The following CELSR3 variants were observed in gnomAD, a reference collection of about 807,000 sequenced individuals.
The protein encoded by CELSR3 is cadherin EGF LAG seven-pass G-type receptor 3.
In CELSR3, 73 loss-of-function variants were observed where a neutral mutation model predicts 270.0. The observed-to-expected ratio is 0.27, with a 90% CI of 0.22 to 0.33. The LOEUF (loss-of-function observed/expected upper bound fraction) is 0.33, where lower values mean the gene tolerates loss of function less well. Ranked by LOEUF, CELSR3 falls within the 10% of genes least tolerant of loss-of-function variation. CELSR3 has a pLI of 1.00. For synonymous variants in CELSR3, 1,780 were observed against 1,905.4 expected (o/e 0.93, Z 1.71); for missense variants, 3,614 against 4,533.8 (o/e 0.80, Z 5.83).
chr3:48,660,787 A>C lies in CELSR3; in HGVS notation c.1848T>G (p.Tyr616Ter). 1 of 1,614,144 alleles carries C rather than the reference A, an allele frequency of 6.2e-7. No homozygotes were observed. Among genetic ancestry groups the C allele is most frequent in the Non-Finnish European group, 8.5e-7 (1 of 1,180,028 alleles). Residue 616 changes from tyrosine to a stop codon, truncating the protein, a stop_gained, in exon 1 of 35, where the codon TAT becomes TAG. Coordinates refer to ENST00000164024, the MANE Select transcript of CELSR3 (RefSeq NM_001407.3). LOFTEE classifies it high-confidence loss of function. This position sits in a 1 kb window ranked among gnomAD's most constrained non-coding sequence, Gnocchi z 5.5. The stretch of plus-strand genomic sequence containing the variant: ...CATCCTGCGCCCTGATGCGCAAGGC[A>C]TACTCTCTCTCTGCCTCGAAGTCCA... ...APLDFEAEREYALRIRAQDAG... is the reference protein window; with the variant it reads ...APLDFEAERE
At chr3:48,648,549 T>G in intron 18 of CELSR3, 88 bp from the exon 19 acceptor site, 1 of 1,410,356 alleles carries the variant, frequency 7.1e-7, no homozygotes, top group East Asian at 2.5e-5. Context: ...GGACAGGTGC[T>G]CAGAGGGGCT....
chr3:48,642,619 G>C lies in CELSR3; in HGVS notation c.8555+117C>G. On this transcript the variant is annotated intron_variant, in intron 30 of 34. Coordinates refer to ENST00000164024, the MANE Select transcript of CELSR3 (RefSeq NM_001407.3). The surrounding 1 kb of genome is among the most constrained non-coding windows in gnomAD (Gnocchi z 6.1). ...CATTTAGGGCAGAGGCAGAAGCAGGGCCCCAGATGGCCAAGATGGGTGGAG... is the reference window on the plus strand; with the variant it reads ...CATTTAGGGCAGAGGCAGAAGCAGGCCCCCAGATGGCCAAGATGGGTGGAG... The C allele has an allele frequency of 1.4e-6, 2 of 1,467,728 alleles. No homozygotes were observed. Among genetic ancestry groups the C allele is most frequent in the Non-Finnish European group, 1.8e-6 (2 of 1,091,324 alleles). The allele number at this position is 1,467,728 out of a possible 1,614,324, so 90.9% of individuals were successfully genotyped here.
In CELSR3 at chr3:48,644,033, A is replaced by G; in HGVS notation, c.8165+183T>C. 4 of 606,358 alleles carry G rather than the reference A, an allele frequency of 6.6e-6. No homozygotes were observed. The South Asian group carries it at 8.4e-5, about 13-fold the overall frequency. The allele number at this position is 606,358 out of a possible 1,614,324, so 37.6% of individuals were successfully genotyped here. A position where few individuals can be genotyped will look rare whatever the true frequency, so the allele number is the denominator to read the frequency against. ...AGGAGAGACAGCAGGGCAGAAGCAC[A>G]TGTGGGGCTACAGTATAGCGAGGGC... On this transcript the variant is annotated intron_variant, in intron 27 of 34. Coordinates refer to ENST00000164024, the MANE Select transcript of CELSR3 (RefSeq NM_001407.3). The surrounding 1 kb of genome is among the most constrained non-coding windows in gnomAD (Gnocchi z 4.8).
rs2047062333 is a variant in CELSR3 at position 48,644,607 on chromosome 3, C to T, written c.8085+109G>A. On this transcript the variant is annotated intron_variant, in intron 26 of 34. Transcript: ENST00000164024. The surrounding 1 kb of genome is among the most constrained non-coding windows in gnomAD (Gnocchi z 4.8). ...AGGACAGAAAAAATGAAGGCCGAGC[C>T]CAGGAAGCCTGCAGAATGCCACCTG... is the stretch of plus-strand genomic sequence containing the variant. 2 of 852,652 alleles carry T rather than the reference C, an allele frequency of 2.3e-6. No homozygotes were observed. The highest frequency in any genetic ancestry group is 5.3e-5 in the East Asian group (2 of 37,540). The allele number at this position is 852,652 out of a possible 1,614,324, so 52.8% of individuals were successfully genotyped here.
rs1264524735 is a variant in CELSR3 at position 48,645,765 on chromosome 3, G to T, written c.7567C>A (p.Leu2523Ile). ...RCSRTGTFGV[L>I]MDASPRERLE... ...ACCTCACGGGGAGAGGCATCCATGA[G>T]GACCCCAAAGGTCCCTGTCCGGCTG... The change falls in exon 23 of 35, where the codon CTC (leucine) becomes ATC (isoleucine). Residue 2523 changes from leucine to isoleucine, a missense_variant. Physicochemically the swap from Leu to Ile is conservative, Grantham distance 5. Around this residue, in one of 7 missense-constraint regions of CELSR3, gnomAD observed 1,240 missense variants for 1,351.7 expected, o/e 0.92. Transcript: ENST00000164024. The surrounding 1 kb of genome is among the most constrained non-coding windows in gnomAD (Gnocchi z 5.4). 1 of 1,610,968 alleles carries T rather than the reference G, an allele frequency of 6.2e-7. No individual in the cohort carries two copies. Among genetic ancestry groups the T allele is most frequent in the Admixed American group, 1.7e-5 (1 of 59,992 alleles).
rs772171612 is a variant in CELSR3, at chr3:48,639,702, T to C, written c.9883A>G (p.Ser3295Gly). The change falls in exon 34 of 35, where the codon AGC becomes GGC. Residue 3295 changes from serine (S) to glycine (G), a missense_variant. Coordinates refer to ENST00000164024, the MANE Select transcript of CELSR3 (RefSeq NM_001407.3). The surrounding 1 kb of genome is among the most constrained non-coding windows in gnomAD (Gnocchi z 4.1). ...PSTPRSATSH[S>G]ISELSPDSEV... ...GAGTCTGGCGACAGCTCCGAGATGCTGTGAGACGTGGCAGAACGTGGCGTG... is the reference window on the plus strand; with the variant it reads ...GAGTCTGGCGACAGCTCCGAGATGCCGTGAGACGTGGCAGAACGTGGCGTG... 1 of 1,613,266 alleles carries C rather than the reference T, an allele frequency of 6.2e-7. No homozygotes were observed. Among genetic ancestry groups the C allele is most frequent in the South Asian group, 1.1e-5 (1 of 91,034 alleles).
chr3:48,657,657 T>TC lies in CELSR3; in HGVS notation c.3749-310_3749-309insG, dbSNP rs2077034045. On this transcript the variant is annotated intron_variant, in intron 1 of 34. Coordinates refer to ENST00000164024, the MANE Select transcript of CELSR3 (RefSeq NM_001407.3). The surrounding 1 kb of genome is among the most constrained non-coding windows in gnomAD (Gnocchi z 5.4). ...CGCAACAGCACTCAAGTACCCTAAG[T>TC]ACTCAGTAACCCACACTTCCCCAAG... Among the ~76,000 whole-genome samples, 1 of 152,028 alleles carries TC rather than the reference T, an allele frequency of 6.6e-6. No individual in the cohort carries two copies. Among genetic ancestry groups the TC allele is most frequent in the African/African-American group, 2.4e-5 (1 of 41,394 alleles).
At position 48,650,432 on chromosome 3, in the gene CELSR3, C is replaced by CCGGGGGGGGGGGGGGGGGGGG; in HGVS notation, c.6472+47_6472+48insCCCCCCCCCCCCCCCCCCCCG. On this transcript the variant is annotated intron_variant, in intron 16 of 34. Transcript: ENST00000164024. The surrounding 1 kb of genome is among the most constrained non-coding windows in gnomAD (Gnocchi z 5.1). ...AGACATGGCTCTAGCAGTCAGAGTA[C>CCGGGGGGGGGGGGGGGGGGGG]AGGCCCACCCCCACCCTCAGTGATG... The CCGGGGGGGGGGGGGGGGGGGG allele has an allele frequency of 1.7e-6, 2 of 1,208,942 alleles. No individual in the cohort carries two copies. Among genetic ancestry groups the CCGGGGGGGGGGGGGGGGGGGG allele is most frequent in the Non-Finnish European group, 1.2e-6 (1 of 844,582 alleles). The allele number at this position is 1,208,942 out of a possible 1,614,324, so 74.9% of individuals were successfully genotyped here.
rs368760989 is a variant in CELSR3, at chr3:48,659,889, G to T, written c.2746C>A (p.Gln916Lys). The change falls in exon 1 of 35, where the codon CAG (glutamine) becomes AAG (lysine). Residue 916 changes from glutamine to lysine, a missense_variant. Transcript: ENST00000164024. The surrounding 1 kb of genome is among the most constrained non-coding windows in gnomAD (Gnocchi z 8.1). ...TGGTCCTCATAGTCTAATGGGGCCT[G>T]TAATGTAATGGCTCCTGAGTCTGCA... ...IDADSGAITLQAPLDYEDQVT... is the reference protein window; with the variant it reads ...IDADSGAITLKAPLDYEDQVT... 1 of 1,614,218 alleles carries T rather than the reference G, an allele frequency of 6.2e-7. No homozygotes were observed.
At position 48,650,867 on chromosome 3, in the gene CELSR3, G is replaced by A. The variant is rs1272682839; in HGVS notation, c.6370+25C>T. Reference sequence around the variant, plus strand: ...GCACACTGGAACCAGCCCTCTATGGGTGGAGCTGGGTGGAGCCTGCTCACC... The same window carrying A: ...GCACACTGGAACCAGCCCTCTATGGATGGAGCTGGGTGGAGCCTGCTCACC... On this transcript the variant is annotated intron_variant, in intron 15 of 34. Coordinates refer to ENST00000164024, the MANE Select transcript of CELSR3 (RefSeq NM_001407.3). This position sits in a 1 kb window ranked among gnomAD's most constrained non-coding sequence, Gnocchi z 5.1. 1 of 1,604,140 alleles carries A rather than the reference G, an allele frequency of 6.2e-7. No individual in the cohort carries two copies. The highest frequency in any genetic ancestry group is 1.7e-5 in the Admixed American group (1 of 59,132).
In CELSR3 at chr3:48,644,050, A is replaced by C; in HGVS notation, c.8165+166T>G. 1 of 622,406 alleles carries C rather than the reference A, an allele frequency of 1.6e-6. No individual in the cohort carries two copies. The highest frequency in any genetic ancestry group is 2.9e-5 in the Admixed American group (1 of 34,112). 38.6% of individuals were successfully genotyped at this position (622,406 alleles called of 1,614,324 possible). On this transcript the variant is annotated intron_variant, in intron 27 of 34. Coordinates refer to ENST00000164024, the MANE Select transcript of CELSR3 (RefSeq NM_001407.3). This position sits in a 1 kb window ranked among gnomAD's most constrained non-coding sequence, Gnocchi z 4.8. ...AGAAGCACATGTGGGGCTACAGTAT[A>C]GCGAGGGCGCCAGAGAGGGACCACA...
In CELSR3 at chr3:48,642,385, C is replaced by T; in HGVS notation, c.8638G>A (p.Asp2880Asn). ...LQAHAGPTDL[D>N]VAMFHRDAGA... ...GCATCTCGATGGAACATGGCCACGT[C>T]CAGGTCAGTGGGGCCAGCATGAGCC... is the stretch of plus-strand genomic sequence containing the variant. The change falls in exon 31 of 35, where the codon GAC becomes AAC. Residue 2880 changes from aspartate to asparagine, a missense_variant. By Grantham distance (23) the Asp-to-Asn change is conservative. Around this residue, in one of 7 missense-constraint regions of CELSR3, gnomAD observed 1,240 missense variants for 1,351.7 expected, o/e 0.92. Coordinates refer to ENST00000164024, the MANE Select transcript of CELSR3 (RefSeq NM_001407.3). This position sits in a 1 kb window ranked among gnomAD's most constrained non-coding sequence, Gnocchi z 6.1. The T allele has an allele frequency of 6.2e-7, 1 of 1,613,242 alleles. No individual in the cohort carries two copies. Among genetic ancestry groups the T allele is most frequent in the Non-Finnish European group, 8.5e-7 (1 of 1,179,896 alleles).
rs761302939 is a variant in CELSR3 at position 48,653,089 on chromosome 3, G to A, written c.5547C>T (p.His1849=). The A allele has an allele frequency of 1.3e-5, 21 of 1,613,224 alleles. No individual in the cohort carries two copies. Among genetic ancestry groups the A allele is most frequent in the Middle Eastern group, 1.6e-4 (1 of 6,080 alleles). ...CCTCCTGCAACTCCAGCCGCAGATCGTGCCACCGGCCATCACTGACAGTCA... is the reference window on the plus strand; with the variant it reads ...CCTCCTGCAACTCCAGCCGCAGATCATGCCACCGGCCATCACTGACAGTCA... ...DQVTVSDGRW[H]DLRLELQEEP... is the part of the protein sequence containing the mutation. The change falls in exon 10 of 35, where the codon CAC becomes CAT. Residue 1849 remains histidine (H), a synonymous_variant. Coordinates refer to ENST00000164024, the MANE Select transcript of CELSR3 (RefSeq NM_001407.3). The surrounding 1 kb of genome is among the most constrained non-coding windows in gnomAD (Gnocchi z 6.5).
intron 16 of CELSR3, 70 bp from the exon 17 acceptor site, chr3:48,649,285 C>G (rs2047115584): frequency 8.4e-7 from 1 of 1,186,870 alleles, no homozygotes; most frequent in Non-Finnish European, 1.2e-6. Context: ...CCGCAGCACC[C>G]TCTCCTATGC....
chr3:48,644,356 C>G lies in CELSR3; in HGVS notation c.8086-61G>C. Reference sequence around the variant, plus strand: ...GCAGAGAGAGAGAGAGAGAGAGAGGCAATGAGAGACAGAGAGAGACTAAGA... The same window carrying G: ...GCAGAGAGAGAGAGAGAGAGAGAGGGAATGAGAGACAGAGAGAGACTAAGA... On this transcript the variant is annotated intron_variant, in intron 26 of 34. Transcript: ENST00000164024. The surrounding 1 kb of genome is among the most constrained non-coding windows in gnomAD (Gnocchi z 4.8). 2 of 1,346,172 alleles carry G rather than the reference C, an allele frequency of 1.5e-6. No homozygotes were observed. Among genetic ancestry groups the G allele is most frequent in the African/African-American group, 1.4e-5 (1 of 69,690 alleles). 83.4% of individuals were successfully genotyped at this position (1,346,172 alleles called of 1,614,324 possible).
rs536931994 is a variant in CELSR3, at chr3:48,662,070, G to T, written c.565C>A (p.Arg189=). Residue 189 remains arginine, a synonymous_variant, in exon 1 of 35, where the codon CGG becomes AGG. Coordinates refer to ENST00000164024, the MANE Select transcript of CELSR3 (RefSeq NM_001407.3). The surrounding 1 kb of genome is among the most constrained non-coding windows in gnomAD (Gnocchi z 7.1). ...HHGPKPVSSQ[R]NAGTGSRKRV... is the part of the protein sequence containing the mutation. ...TTGCGGGAGCCTGTCCCAGCGTTCC[G>T]CTGGGAGGACACCGGCTTGGGACCG... 14 of 1,613,964 alleles carry T rather than the reference G, an allele frequency of 8.7e-6. No homozygotes were observed. The highest frequency in any genetic ancestry group is 1.3e-5 in the African/African-American group (1 of 74,946).
At position 48,654,466 on chromosome 3, in the gene CELSR3, G is replaced by T; in HGVS notation, c.4989-14C>A. The T allele has an allele frequency of 1.3e-6, 2 of 1,560,494 alleles. No individual in the cohort carries two copies. The highest frequency in any genetic ancestry group is 1.7e-6 in the Non-Finnish European group (2 of 1,151,218). ...AGGTCCAGGGACCTGGGGATCAGGGGTCTGGGTCATTGGTGGGACTGGGGC... is the reference window on the plus strand; with the variant it reads ...AGGTCCAGGGACCTGGGGATCAGGGTTCTGGGTCATTGGTGGGACTGGGGC... On this transcript the variant is annotated splice_polypyrimidine_tract_variant and intron_variant, in intron 6 of 34. Coordinates refer to ENST00000164024, the MANE Select transcript of CELSR3 (RefSeq NM_001407.3). The surrounding 1 kb of genome is among the most constrained non-coding windows in gnomAD (Gnocchi z 5.4).
Position 48,661,496 on chromosome 3 carries a change from G to C in CELSR3, c.1139C>G (p.Pro380Arg). Reference sequence around the variant, plus strand: ...CGCCGTACGGATAAGGCCGCTCTGCGGGTCGATGCTGAACAGCTCCAGCGA... The same window carrying C: ...CGCCGTACGGATAAGGCCGCTCTGCCGGTCGATGCTGAACAGCTCCAGCGA... ...SRSLELFSID[P>R]QSGLIRTAAA... is the part of the protein sequence containing the mutation. The change falls in exon 1 of 35, where the codon CCG becomes CGG. Residue 380 changes from proline to arginine, a missense_variant. By Grantham distance (103) the Pro-to-Arg change is moderately radical. This residue lies in a region of CELSR3 where 354 missense variants were observed against 500.9 expected (regional missense o/e 0.71). Coordinates refer to ENST00000164024, the MANE Select transcript of CELSR3 (RefSeq NM_001407.3). 11 of 1,603,144 alleles carry C rather than the reference G, an allele frequency of 6.9e-6. No homozygotes were observed. The highest frequency in any genetic ancestry group is 8.5e-6 in the Non-Finnish European group (10 of 1,174,794).
At position 48,645,209 on chromosome 3, in the gene CELSR3, G is replaced by A. The variant is rs759798510; in HGVS notation, c.7798C>T (p.Leu2600=). The A allele has an allele frequency of 1.9e-6, 3 of 1,569,926 alleles. No homozygotes were observed. Among genetic ancestry groups the A allele is most frequent in the South Asian group, 1.2e-5 (1 of 85,864 alleles). Residue 2600 remains leucine, a splice_region_variant and synonymous_variant, in exon 25 of 35, where the codon CTG becomes TTG. Transcript: ENST00000164024. This position sits in a 1 kb window ranked among gnomAD's most constrained non-coding sequence, Gnocchi z 5.4. ...LLGIHRTHNQ[L]VCTAVAILLH... is the part of the protein sequence containing the mutation. Reference sequence around the variant, plus strand: ...AGGATGGCGACTGCAGTGCACACCAGCTGAGGGCAGGGGGGCGTGTCAGGA... The same window carrying A: ...AGGATGGCGACTGCAGTGCACACCAACTGAGGGCAGGGGGGCGTGTCAGGA...
Sources: gnomAD v4.1 joint callset for allele counts (sites outside exome capture counted in the v4.1 genomes callset) on GRCh38, gnomAD v4.1.1 for gene constraint, gnomAD v4.1.1 regional missense constraint, Gnocchi (gnomAD v3.1) non-coding constraint, MANE v1.5 for transcripts, NCBI Gene and HGNC (gene_info 2026-07-23, HGNC 2026-07-21) for gene names.